LMBR1: variants seen among roughly 807,000 people sequenced by gnomAD.
The protein encoded by LMBR1 is limb region 1 protein homolog.
LMBR1 carries 52 observed loss-of-function variants against 73.9 expected under a neutral mutation model. That is an observed-to-expected ratio of 0.70 (90% confidence interval 0.56 to 0.89). The LOEUF is 0.89. Among genes scored for constraint, LMBR1 ranks in the 40% least tolerant of loss-of-function variants. The pLI is 0.00. For missense variants in LMBR1, 539 were observed against 579.8 expected, an observed-to-expected ratio of 0.93 and a Z score of 0.72; for synonymous variants, 215 against 209.4, an observed-to-expected ratio of 1.03 and a Z score of -0.23.
At chr7:156,859,405 A>T (rs1278721301) in intron 1 of LMBR1, among the ~76,000 whole-genome samples, 1 of 152,216 alleles carries the variant, frequency 6.6e-6, no homozygotes, top group Non-Finnish European at 1.5e-5. Context: ...GGAAGAAAGA[A>T]ATAAAACTCT....
chr7:156,763,881 A>C, intron 5 of LMBR1, 86 bp from the exon 6 acceptor site: 3 of 1,072,660 alleles, frequency 2.8e-6, no homozygotes, highest in South Asian at 4.3e-5. Flanking sequence ...AGCATAAAAT[A>C]ATCCCTTGGA....
chr7:156,746,808 GCAAA>G (rs1819940943), intron 9 of LMBR1, among the ~76,000 whole-genome samples: 1 of 152,062 alleles, frequency 6.6e-6, no homozygotes, highest in South Asian at 2.1e-4. Context: ...ATGACATACT[GCAAA>G]CAAATACTGA....
chr7:156,844,913 A>C (rs984619286), intron 1 of LMBR1, among the ~76,000 whole-genome samples: 1 of 152,218 alleles, frequency 6.6e-6, no homozygotes, highest in African/African-American at 2.4e-5. Flanking sequence ...ATTGTTAAAA[A>C]CTAATATTCT....
At chr7:156,848,254 T>C (rs965934897) in intron 1 of LMBR1, among the ~76,000 whole-genome samples, 2 of 152,088 alleles carry the variant, frequency 1.3e-5, no homozygotes, top group African/African-American at 4.8e-5. Context: ...ACTAAACAGC[T>C]TCTGTACAAC....
At chr7:156,807,057 TA>T (rs781248440) in intron 4 of LMBR1, among the ~76,000 whole-genome samples, 1 of 152,132 alleles carries the variant, frequency 6.6e-6, no homozygotes, top group Non-Finnish European at 1.5e-5. Flanking sequence ...AGCACGTTAA[TA>T]AAATCACATG....
At chr7:156,835,676 C>T (rs1220865862) in intron 2 of LMBR1, among the ~76,000 whole-genome samples, 1 of 131,216 alleles carries the variant, frequency 7.6e-6, no homozygotes, top group Non-Finnish European at 1.5e-5. Context: ...GCCTGGGCGA[C>T]AGAGTGAGAC....
At chr7:156,838,630 T>C (rs1368769384) in intron 1 of LMBR1, among the ~76,000 whole-genome samples, 1 of 152,208 alleles carries the variant, frequency 6.6e-6, no homozygotes, top group Non-Finnish European at 1.5e-5. Flanking sequence ...GGCAGACACT[T>C]AGGTTGATTC....
intron 1 of LMBR1, among the ~76,000 whole-genome samples, chr7:156,885,765 G>A (rs904014904): frequency 6.6e-6 from 1 of 152,088 alleles, no homozygotes; most frequent in African/African-American, 2.4e-5. Flanking sequence ...TATAATCCCA[G>A]CTACTGGGAG....
chr7:156,806,460 TTTTTA>T (rs1399283785), intron 4 of LMBR1, among the ~76,000 whole-genome samples: 1 of 114,734 alleles, frequency 8.7e-6, no homozygotes, highest in Admixed American at 9.3e-5. Context: ...TGACTTATTT[TTTTTA>T]AAAAAAACCT....
At chr7:156,873,615 T>C (rs1799680911) in intron 1 of LMBR1, among the ~76,000 whole-genome samples, 1 of 152,178 alleles carries the variant, frequency 6.6e-6, no homozygotes, top group Non-Finnish European at 1.5e-5. Context: ...ACAAAGGTTC[T>C]CCACGTCCCC....
chr7:156,815,279 T>G (rs889864322), intron 4 of LMBR1, among the ~76,000 whole-genome samples: 4 of 151,926 alleles, frequency 2.6e-5, no homozygotes, highest in African/African-American at 2.4e-5. Context: ...ACCCTTTCCT[T>G]AAAGAATTAT....
intron 4 of LMBR1, among the ~76,000 whole-genome samples, chr7:156,811,185 A>G (rs2133606728): frequency 6.6e-6 from 1 of 152,250 alleles, no homozygotes; most frequent in East Asian, 1.9e-4. Context: ...TCTGCTATTA[A>G]TCTACTGTTT....
chr7:156,699,210 T>C (rs371628507), intron 15 of LMBR1, among the ~76,000 whole-genome samples: 109 of 152,252 alleles, frequency 7.2e-4, no homozygotes, highest in African/African-American at 2.2e-3. Flanking sequence ...AACAGAGATA[T>C]AGATCAATGG....
chr7:156,838,649 CA>C (rs1563497466), intron 1 of LMBR1, among the ~76,000 whole-genome samples: 1 of 152,172 alleles, frequency 6.6e-6, no homozygotes, highest in Non-Finnish European at 1.5e-5. Flanking sequence ...TCAACAACTT[CA>C]CTATTGTGAA....
At chr7:156,857,916 T>C (rs1432453718) in intron 1 of LMBR1, among the ~76,000 whole-genome samples, 3 of 151,492 alleles carry the variant, frequency 2.0e-5, no homozygotes, top group African/African-American at 7.3e-5. Flanking sequence ...TGAAAATAAA[T>C]CTTATGAAAA....
chr7:156,847,272 C>T (rs112360855), intron 1 of LMBR1, among the ~76,000 whole-genome samples: 8 of 152,154 alleles, frequency 5.3e-5, no homozygotes, highest in Non-Finnish European at 1.0e-4. Context: ...ATACACTTCA[C>T]AACAATTAAC....
chr7:156,687,568 T>C (rs1474929904), intron 16 of LMBR1, among the ~76,000 whole-genome samples: 1 of 152,212 alleles, frequency 6.6e-6, no homozygotes, highest in Non-Finnish European at 1.5e-5. Flanking sequence ...GCTAACGTTT[T>C]CATCTTGAAT....
At chr7:156,719,585 T>C (rs867528054) in intron 15 of LMBR1, among the ~76,000 whole-genome samples, 44 of 151,958 alleles carry the variant, frequency 2.9e-4, no homozygotes, top group Admixed American at 1.3e-3. Context: ...ACTTTCTTCA[T>C]AGAATTGGAA....
intron 1 of LMBR1, among the ~76,000 whole-genome samples, chr7:156,861,224 C>G (rs926262779): frequency 6.6e-6 from 1 of 152,230 alleles, no homozygotes; most frequent in Non-Finnish European, 1.5e-5. Context: ...AACCTCAATT[C>G]TTGACTTCTG....
Sources: gnomAD v4.1 joint callset for allele counts (sites outside exome capture counted in the v4.1 genomes callset) on GRCh38, gnomAD v4.1.1 for gene constraint, MANE v1.5 for transcripts, NCBI Gene and HGNC (gene_info 2026-07-23, HGNC 2026-07-21) for gene names.